RANBP2: variants seen among roughly 807,000 people sequenced by gnomAD.
RANBP2 encodes the protein E3 SUMO-protein ligase RanBP2.
A neutral mutation model predicts 303.6 loss-of-function variants in RANBP2; 57 were observed. That is an observed-to-expected ratio of 0.19 (90% CI 0.15 to 0.23). The LOEUF is 0.23. RANBP2 is among the 10% of genes least tolerant of loss of function. RANBP2 has a pLI of 1.00. For missense variants in RANBP2, 3,138 were observed against 3,780.8 expected, an observed-to-expected ratio of 0.83 and a Z score of 4.46; for synonymous variants, 1,167 against 1,301.5, an observed-to-expected ratio of 0.90 and a Z score of 2.23.
At chr2:109,420,547 G>A in the RANBP2 span, among the ~76,000 whole-genome samples, 6 of 152,112 alleles carry the variant, frequency 3.9e-5, no homozygotes, top group African/African-American at 1.4e-4. Context: ...CCAGGTTCAC[G>A]CAATTCTCCT....
At chr2:109,618,411 G>T in the RANBP2 span, 3 of 167,010 alleles carry the variant, frequency 1.8e-5, no homozygotes, top group African/African-American at 4.8e-5. Flanking sequence ...TCTATAATTT[G>T]CCAGGGCTTT....
the RANBP2 span, chr2:108,895,901 A>C: frequency 2.1e-4 from 32 of 152,340 alleles, no homozygotes; most frequent in African/African-American, 7.7e-4. Context: ...GAAATCTAGA[A>C]TTATGCGTGG....
At chr2:109,371,679 G>GTAC in the RANBP2 span, 1 of 1,613,574 alleles carries the variant, frequency 6.2e-7, no homozygotes, top group Non-Finnish European at 8.5e-7. Flanking sequence ...CCTGTACGTG[G>GTAC]AGGTAAGACC....
the RANBP2 span, among the ~76,000 whole-genome samples, chr2:109,422,609 G>T: frequency 4.2e-5 from 2 of 47,452 alleles, no homozygotes; most frequent in Non-Finnish European, 6.8e-5. Flanking sequence ...CCCCTGCTGT[G>T]TTGGGCTGGG....
the RANBP2 span, among the ~76,000 whole-genome samples, chr2:109,238,710 C>T: frequency 5.3e-5 from 8 of 152,160 alleles, no homozygotes; most frequent in African/African-American, 1.7e-4. Flanking sequence ...GACCGGATGC[C>T]CTTGTTGCTC....
chr2:109,581,822 C>A, the RANBP2 span, among the ~76,000 whole-genome samples: 1 of 152,040 alleles, frequency 6.6e-6, no homozygotes, highest in East Asian at 1.9e-4. Flanking sequence ...AAGTCCTGGC[C>A]AGAGAAGTCA....
chr2:108,873,556 T>G, the RANBP2 span: 1 of 1,610,046 alleles, frequency 6.2e-7, no homozygotes, highest in Admixed American at 1.7e-5. Context: ...CTAGAAAAAC[T>G]CAGTATTATT....
At chr2:108,885,812 A>G in the RANBP2 span, among the ~76,000 whole-genome samples, 6 of 151,982 alleles carry the variant, frequency 3.9e-5, no homozygotes, top group Middle Eastern at 3.2e-3. Flanking sequence ...CCTCTCTACC[A>G]CTATGTGATC....
chr2:109,108,895 C>T, the RANBP2 span, among the ~76,000 whole-genome samples: 1 of 152,092 alleles, frequency 6.6e-6, no homozygotes, highest in Non-Finnish European at 1.5e-5. Context: ...GAGGGGCAGA[C>T]TTGGAACTCC....
At chr2:109,395,141 T>C in the RANBP2 span, among the ~76,000 whole-genome samples, 2 of 152,238 alleles carry the variant, frequency 1.3e-5, no homozygotes, top group African/African-American at 4.8e-5. Context: ...TAGCAGTGCC[T>C]GGGACTCCGC....
At chr2:109,433,303 G>A in the RANBP2 span, among the ~76,000 whole-genome samples, 1 of 152,232 alleles carries the variant, frequency 6.6e-6, no homozygotes, top group Admixed American at 6.5e-5. Context: ...CGATTGTTGA[G>A]TGGTCGCATT....
chr2:109,698,031 T>C, the RANBP2 span, among the ~76,000 whole-genome samples: 1 of 151,866 alleles, frequency 6.6e-6, no homozygotes, highest in African/African-American at 2.4e-5. Context: ...AGCTAATTTT[T>C]GTATTTTTAG....
At chr2:109,572,748 C>G in the RANBP2 span, among the ~76,000 whole-genome samples, 1 of 151,460 alleles carries the variant, frequency 6.6e-6, no homozygotes, top group Non-Finnish European at 1.5e-5. Context: ...TCCTGAGTAG[C>G]TGGGGCTACA....
At chr2:109,113,350 G>T in the RANBP2 span, among the ~76,000 whole-genome samples, 1 of 150,634 alleles carries the variant, frequency 6.6e-6, no homozygotes, top group African/African-American at 2.4e-5. Context: ...GGTCCTTCAC[G>T]TCCCTTGTAA....
the RANBP2 span, among the ~76,000 whole-genome samples, chr2:108,817,714 A>G: frequency 6.6e-6 from 1 of 152,332 alleles, no homozygotes; most frequent in South Asian, 2.1e-4. Flanking sequence ...AAGGAAATGG[A>G]TCCTCCCTTA....
At chr2:108,747,215 T>C (rs1000780615) in intron 8 of RANBP2, among the ~76,000 whole-genome samples, 15 of 152,338 alleles carry the variant, frequency 9.8e-5, no homozygotes, top group Admixed American at 6.5e-4. Flanking sequence ...ATAGAAGATA[T>C]ATACTTACCT....
the RANBP2 span, among the ~76,000 whole-genome samples, chr2:108,983,786 C>A: frequency 6.6e-6 from 1 of 152,234 alleles, no homozygotes; most frequent in Non-Finnish European, 1.5e-5. Context: ...AGGAACAGGT[C>A]TGGCATGCTG....
At chr2:108,795,157 T>A in the RANBP2 span, among the ~76,000 whole-genome samples, 1 of 140,586 alleles carries the variant, frequency 7.1e-6, no homozygotes. Context: ...TGTATTTTTT[T>A]TTTTTTTTTT....
the RANBP2 span, among the ~76,000 whole-genome samples, chr2:109,479,177 C>T: frequency 4.0e-4 from 61 of 152,150 alleles, no homozygotes; most frequent in African/African-American, 1.5e-3. Flanking sequence ...GCACGGCCTG[C>T]CCTTGACCTT....
Sources: gnomAD v4.1 joint callset for allele counts (sites outside exome capture counted in the v4.1 genomes callset) on GRCh38, gnomAD v4.1.1 for gene constraint, MANE v1.5 for transcripts, NCBI Gene and HGNC (gene_info 2026-07-23, HGNC 2026-07-21) for gene names.